Variants in TMC2 observed in about 807,000 individuals in gnomAD.
The protein encoded by TMC2 is transmembrane channel like 2.
TMC2 carries 102 observed loss-of-function variants against 105.9 expected under a neutral mutation model. The observed-to-expected ratio is 0.96, with a 90% CI of 0.82 to 1.14. TMC2 has a LOEUF of 1.14. Ranked by LOEUF, TMC2 falls within the 50% of genes most tolerant of loss-of-function variation. TMC2 has a pLI of 0.00. For synonymous variants in TMC2, 402 were observed against 422.8 expected (o/e 0.95, Z 0.60); for missense variants, 1,093 against 1,134.3 (o/e 0.96, Z 0.52).
chr20:2,582,272 A>T (rs190827834), intron 7 of TMC2, among the ~76,000 whole-genome samples: 170 of 152,316 alleles, frequency 1.1e-3, no homozygotes, highest in African/African-American at 4.0e-3. Context: ...AATCAGACAC[A>T]TCCAAATTCA....
intron 10 of TMC2, among the ~76,000 whole-genome samples, chr20:2,599,304 A>G (rs2086332716): frequency 6.6e-6 from 1 of 151,386 alleles, no homozygotes; most frequent in African/African-American, 2.4e-5. Context: ...TTAAAAAAAA[A>G]AAAAAAAAAA....
At chr20:2,621,349 G>A (rs1241713726) in intron 16 of TMC2, among the ~76,000 whole-genome samples, 3 of 138,800 alleles carry the variant, frequency 2.2e-5, no homozygotes, top group Admixed American at 7.2e-5. Flanking sequence ...GCAACAGGGT[G>A]AGACTCCATC....
chr20:2,561,643 G>A lies in TMC2; in HGVS notation c.402-215G>A, dbSNP rs369672349. 7.2e-5 allele frequency among the ~76,000 whole-genome samples: 11 copies of A among 152,338 alleles called. No homozygotes were observed. In the East Asian group the frequency reaches 2.1e-3, roughly 29 times the overall value. On this transcript the variant is annotated intron_variant, in intron 3 of 19. Coordinates refer to ENST00000358864, the MANE Select transcript of TMC2 (RefSeq NM_080751.3). ...CTGAGCTGGCATGTGGTTTGTGGGA[G>A]GACTCAGAGAAATGGAGGATGGGGA...
At chr20:2,641,021 C>T (rs2086684197) in intron 19 of TMC2, 113 bp from the exon 20 acceptor site, 1 of 895,572 alleles carries the variant, frequency 1.1e-6, no homozygotes, top group East Asian at 2.4e-5. Context: ...ACAGCTCTCA[C>T]ATCACCAAAT....
chr20:2,562,846 T>A (rs573769465), intron 4 of TMC2, among the ~76,000 whole-genome samples: 23 of 151,750 alleles, frequency 1.5e-4, no homozygotes, highest in Non-Finnish European at 2.9e-4. Flanking sequence ...CTCGGGAGGC[T>A]GAGGCAGGAG....
chr20:2,641,325 A>T lies in TMC2; in HGVS notation c.2695A>T (p.Lys899Ter). The T allele has an allele frequency of 6.2e-7, 1 of 1,613,924 alleles. No homozygotes were observed. The highest frequency in any genetic ancestry group is 1.3e-5 in the African/African-American group (1 of 75,034). The part of the protein sequence containing the change: ...QTHPWRSASG[K>*]SAQRPPH ...TCATCCGTGGAGGTCAGCCTCTGGA[A>T]AGAGTGCTCAGAGACCTCCCCACTG... Residue 899 changes from lysine to a stop codon, truncating the protein, a stop_gained, in exon 20 of 20, where the codon AAG becomes TAG. Coordinates refer to ENST00000358864, the MANE Select transcript of TMC2 (RefSeq NM_080751.3). LOFTEE classifies it high-confidence loss of function.
In TMC2 at chr20:2,637,205, A is replaced by G. The variant is rs1050549162; in HGVS notation, c.2386-269A>G. 4.2e-5 allele frequency among the ~76,000 whole-genome samples: 3 copies of G among 72,146 alleles called. 1 individual carries two copies. In the South Asian group the frequency reaches 1.7e-3, roughly 42 times the overall value. 47.3% of individuals were successfully genotyped at this position (72,146 alleles called of 152,430 possible). On this transcript the variant is annotated intron_variant, in intron 18 of 19. Coordinates refer to ENST00000358864, the MANE Select transcript of TMC2 (RefSeq NM_080751.3). ...GGAGTTGAAGACCAGCTGGGCTAAC[A>G]TGGTGAACCCGTCTCTACTAAAAAT...
chr20:2,567,113 C>T (rs1314436323), intron 4 of TMC2, among the ~76,000 whole-genome samples: 1 of 152,174 alleles, frequency 6.6e-6, no homozygotes, highest in African/African-American at 2.4e-5. Context: ...ATTTTCATCC[C>T]CAGCAGGTAG....
At chr20:2,638,569 CAG>C (rs944042513) in intron 19 of TMC2, among the ~76,000 whole-genome samples, 1 of 152,082 alleles carries the variant, frequency 6.6e-6, no homozygotes, top group African/African-American at 2.4e-5. Context: ...GTTGTTATCA[CAG>C]GAGATGACAG....
rs573283619 is a variant in TMC2 at position 2,572,513 on chromosome 20, C to T, written c.645+244C>T. Among the ~76,000 whole-genome samples the T allele has an allele frequency of 2.3e-3, 351 of 152,318 alleles. 2 individuals carry two copies. Among genetic ancestry groups the T allele is most frequent in the African/African-American group, 7.9e-3 (328 of 41,560 alleles). ...AGACTTGTCTTCTCTCCAGTGAATA[C>T]ACTTAGAGAACTAATGATGTTAAAA... On this transcript the variant is annotated intron_variant, in intron 5 of 19. Coordinates refer to ENST00000358864, the MANE Select transcript of TMC2 (RefSeq NM_080751.3).
intron 11 of TMC2, among the ~76,000 whole-genome samples, chr20:2,610,101 G>A (rs191120050): frequency 4.4e-4 from 67 of 152,190 alleles, no homozygotes; most frequent in Non-Finnish European, 8.5e-4. Flanking sequence ...TGCCTGCCTC[G>A]GCTTCCCAAA....
At chr20:2,587,530 G>T (rs372915613) in intron 7 of TMC2, among the ~76,000 whole-genome samples, 332 of 150,580 alleles carry the variant, frequency 2.2e-3, no homozygotes, top group Middle Eastern at 0.018. Flanking sequence ...ATTTGGGAAT[G>T]TTTTTTTTTA....
In TMC2 at chr20:2,558,634, G is replaced by A. The variant is rs1315961970; in HGVS notation, c.261G>A (p.Glu87=). Residue 87 remains glutamate, a synonymous_variant, in exon 3 of 20, where the codon GAG becomes GAA. Coordinates refer to ENST00000358864, the MANE Select transcript of TMC2 (RefSeq NM_080751.3). The surrounding 1 kb of genome is among the most constrained non-coding windows in gnomAD (Gnocchi z 4.6). ...RRHREELGEQ[E]RGEAERTCEG... ...ACAGAGAAGAGCTGGGGGAGCAGGA[G>A]CGGGGCGAGGCAGAGAGGACCTGCG... The A allele has an allele frequency of 4.6e-5, 72 of 1,568,158 alleles. No homozygotes were observed. Among genetic ancestry groups the A allele is most frequent in the Non-Finnish European group, 5.9e-5 (68 of 1,156,280 alleles).
chr20:2,548,636 C>T (rs984248173), intron 2 of TMC2, among the ~76,000 whole-genome samples: 2 of 130,984 alleles, frequency 1.5e-5, no homozygotes, highest in Admixed American at 8.5e-5. Context: ...GAAACTCCAT[C>T]TCAAAAAAAA....
intron 4 of TMC2, among the ~76,000 whole-genome samples, chr20:2,568,512 C>T (rs1041639708): frequency 6.6e-6 from 1 of 152,144 alleles, no homozygotes; most frequent in Non-Finnish European, 1.5e-5. Context: ...AGAAGAGAAG[C>T]GTTTGCTGCT....
chr20:2,636,994 G>A, intron 18 of TMC2, among the ~76,000 whole-genome samples: 1 of 152,154 alleles, frequency 6.6e-6, no homozygotes, highest in East Asian at 1.9e-4. Flanking sequence ...CTGTCCTCTG[G>A]CCACATGTTC....
At chr20:2,628,971 G>A (rs538469104) in intron 17 of TMC2, among the ~76,000 whole-genome samples, 3 of 151,436 alleles carry the variant, frequency 2.0e-5, no homozygotes, top group East Asian at 2.0e-4. Flanking sequence ...GCGTGGTGGC[G>A]GGCGCCTGTG....
Position 2,592,857 on chromosome 20 carries a change from T to C in TMC2, c.933+449T>C, listed in dbSNP as rs935371451. 1.3e-5 allele frequency among the ~76,000 whole-genome samples: 2 copies of C among 152,294 alleles called. No homozygotes were observed. Among genetic ancestry groups the C allele is most frequent in the East Asian group, 1.9e-4 (1 of 5,190 alleles). Reference sequence around the variant, plus strand: ...CCCAGCTCCTTTATTGGAATCACCATTCATCCAATCATCCATGTCTGAAGC... The same window carrying C: ...CCCAGCTCCTTTATTGGAATCACCACTCATCCAATCATCCATGTCTGAAGC... On this transcript the variant is annotated intron_variant, in intron 8 of 19. Transcript: ENST00000358864. This position sits in a 1 kb window ranked among gnomAD's most constrained non-coding sequence, Gnocchi z 4.9.
At chr20:2,579,084 T>C in intron 5 of TMC2, 62 bp from the exon 6 acceptor site, 1 of 935,602 alleles carries the variant, frequency 1.1e-6, no homozygotes, top group Admixed American at 1.8e-5. Flanking sequence ...CCCCTCATCA[T>C]GCCCCTTTGT....
Sources: gnomAD v4.1 joint callset for allele counts (sites outside exome capture counted in the v4.1 genomes callset) on GRCh38, gnomAD v4.1.1 for gene constraint, Gnocchi (gnomAD v3.1) non-coding constraint, MANE v1.5 for transcripts, NCBI Gene and HGNC (gene_info 2026-07-23, HGNC 2026-07-21) for gene names.